BCAS3: variants seen among roughly 807,000 people sequenced by gnomAD.
The protein encoded by BCAS3 is BCAS4/BCAS3 fusion.
In BCAS3, 53 loss-of-function variants were observed where a neutral mutation model predicts 116.1. The ratio of observed to expected loss-of-function variants is 0.46; its 90% CI spans 0.37 to 0.57. The LOEUF (loss-of-function observed/expected upper bound fraction) is 0.57, where lower values mean the gene tolerates loss of function less well. Among genes scored for constraint, BCAS3 ranks in the 20% least tolerant of loss-of-function variants. The pLI, the probability that BCAS3 is intolerant of heterozygous loss-of-function variation, is 0.00. For missense variants in BCAS3, 917 were observed against 1,165.4 expected (o/e 0.79, Z 3.10); for synonymous variants, 391 against 408.2 (o/e 0.96, Z 0.51).
chr17:61,344,852 C>T lies in BCAS3; in HGVS notation c.2426-23475C>T, dbSNP rs1472168409. On this transcript the variant is annotated intron_variant, in intron 22 of 23. Coordinates refer to ENST00000407086, the MANE Select transcript of BCAS3 (RefSeq NM_017679.5). The surrounding 1 kb of genome is among the most constrained non-coding windows in gnomAD (Gnocchi z 4.1). ...AAGGGACAACCATGGCGAGGAGTTG[C>T]AATGTCACTCCAGCCCCTTGTTTGC... Among the ~76,000 whole-genome samples, 2 of 151,998 alleles carry T rather than the reference C, an allele frequency of 1.3e-5. No individual in the cohort carries two copies. The highest frequency in any genetic ancestry group is 4.8e-5 in the African/African-American group (2 of 41,370).
chr17:61,252,483 C>T (rs578133578), intron 22 of BCAS3, among the ~76,000 whole-genome samples: 11 of 151,884 alleles, frequency 7.2e-5, no homozygotes, highest in South Asian at 2.1e-4. Flanking sequence ...CAGCTTGGCA[C>T]GGCTGCTTTC....
At chr17:61,054,428 A>G (rs750821932) in intron 19 of BCAS3, among the ~76,000 whole-genome samples, 1 of 152,148 alleles carries the variant, frequency 6.6e-6, no homozygotes, top group Non-Finnish European at 1.5e-5. Context: ...GTGCCGTGGC[A>G]TGATCACAGA....
rs1049752693 is a variant in BCAS3 at position 61,083,727 on chromosome 17, CT to C, written c.2328-739del. On this transcript the variant is annotated intron_variant, in intron 21 of 23. Transcript: ENST00000407086. The surrounding 1 kb of genome is among the most constrained non-coding windows in gnomAD (Gnocchi z 4.9). ...TCTCCTGCCTCAGCCTCTTGAGTAG[CT>C]GGGACTATAGGTGCATGCCACCACA... Among the ~76,000 whole-genome samples, 36 of 151,694 alleles carry C rather than the reference CT, an allele frequency of 2.4e-4. No individual in the cohort carries two copies. Among genetic ancestry groups the C allele is most frequent in the African/African-American group, 8.7e-4 (36 of 41,250 alleles).
intron 22 of BCAS3, among the ~76,000 whole-genome samples, chr17:61,238,440 C>T (rs2083237097): frequency 6.6e-6 from 1 of 152,134 alleles, no homozygotes. Flanking sequence ...CCAGGCTGGT[C>T]TCGAACTCCT....
chr17:60,886,986 CCCG>C (rs2056712947), intron 9 of BCAS3: 1 of 156,290 alleles, frequency 6.4e-6, no homozygotes, highest in Admixed American at 6.5e-5. Context: ...GTTGGAGCTT[CCCG>C]GCTGCTTTGT....
chr17:61,160,138 A>G (rs2159373), intron 22 of BCAS3, among the ~76,000 whole-genome samples: 100,951 of 150,888 alleles, frequency 0.67, 37,358 homozygotes, highest in South Asian at 0.89. Context: ...CTACAAGGAA[A>G]TGCCATTCAC....
intron 22 of BCAS3, among the ~76,000 whole-genome samples, chr17:61,169,979 C>T (rs571490948): frequency 6.6e-6 from 1 of 151,866 alleles, no homozygotes; most frequent in East Asian, 2.0e-4. Context: ...CTCAGCCTCC[C>T]GAGTAGCTGG....
At position 61,067,571 on chromosome 17, in the gene BCAS3, G is replaced by T. The variant is rs192378564; in HGVS notation, c.2030-7349G>T. 2.0e-5 allele frequency among the ~76,000 whole-genome samples: 3 copies of T among 149,474 alleles called. No individual in the cohort carries two copies. In the East Asian group the frequency reaches 5.9e-4, roughly 29 times the overall value. The stretch of plus-strand genomic sequence containing the variant: ...ACCTCTACTAAAAATACAAAAATTA[G>T]CTGGGTGTGTGGTGCGCACCTGTAA... On this transcript the variant is annotated intron_variant, in intron 19 of 23. Coordinates refer to ENST00000407086, the MANE Select transcript of BCAS3 (RefSeq NM_017679.5).
chr17:60,695,994 G>C (rs556795502), intron 4 of BCAS3, among the ~76,000 whole-genome samples: 3 of 152,286 alleles, frequency 2.0e-5, no homozygotes, highest in Non-Finnish European at 4.4e-5. Flanking sequence ...ACTTCTTTCT[G>C]AATGTTTGCA....
intron 4 of BCAS3, among the ~76,000 whole-genome samples, chr17:60,690,005 T>C (rs914864395): frequency 6.6e-6 from 1 of 152,194 alleles, no homozygotes; most frequent in African/African-American, 2.4e-5. Flanking sequence ...TGAGTTAAAA[T>C]TTTCTTAGGC....
intron 22 of BCAS3, among the ~76,000 whole-genome samples, chr17:61,305,022 G>A (rs900346905): frequency 6.6e-6 from 1 of 152,172 alleles, no homozygotes; most frequent in African/African-American, 2.4e-5. Context: ...CTCCCAATGT[G>A]CTGGGATTAT....
At chr17:60,971,286 A>G (rs866047520) in intron 14 of BCAS3, among the ~76,000 whole-genome samples, 1 of 152,186 alleles carries the variant, frequency 6.6e-6, no homozygotes, top group Non-Finnish European at 1.5e-5. Flanking sequence ...TGAAACTTCT[A>G]GAGGGTTTTC....
intron 5 of BCAS3, among the ~76,000 whole-genome samples, chr17:60,733,468 C>T (rs1466839653): frequency 6.6e-6 from 1 of 152,172 alleles, no homozygotes; most frequent in Non-Finnish European, 1.5e-5. Flanking sequence ...ATATTTTTGA[C>T]AGAAAGGCAA....
intron 22 of BCAS3, among the ~76,000 whole-genome samples, chr17:61,178,625 T>G (rs2144157809): frequency 6.6e-6 from 1 of 152,318 alleles, no homozygotes; most frequent in Middle Eastern, 3.4e-3. Flanking sequence ...GTTATCTAAT[T>G]CATTTAACAA....
intron 13 of BCAS3, among the ~76,000 whole-genome samples, chr17:60,943,121 G>A (rs903077783): frequency 2.0e-5 from 3 of 152,060 alleles, no homozygotes; most frequent in Non-Finnish European, 4.4e-5. Context: ...GTTGAAATTA[G>A]CATTTCATAA....
At chr17:61,373,445 G>A (rs2059152600) in intron 23 of BCAS3, among the ~76,000 whole-genome samples, 1 of 148,834 alleles carries the variant, frequency 6.7e-6, no homozygotes, top group South Asian at 2.1e-4. Flanking sequence ...GTTTGCTACT[G>A]TTAACATTTT....
intron 22 of BCAS3, among the ~76,000 whole-genome samples, chr17:61,358,005 T>C (rs1002702317): frequency 2.0e-5 from 3 of 151,698 alleles, no homozygotes; most frequent in African/African-American, 4.8e-5. Context: ...CAAGAATCAC[T>C]TGAGCCCGGG....
intron 22 of BCAS3, among the ~76,000 whole-genome samples, chr17:61,133,050 T>TA (rs2076422338): frequency 6.6e-6 from 1 of 152,294 alleles, no homozygotes; most frequent in East Asian, 1.9e-4. Flanking sequence ...AAGAAGCTGA[T>TA]AAAAAAGGTA....
chr17:60,831,397 G>C (rs930685595), intron 7 of BCAS3, among the ~76,000 whole-genome samples: 1 of 151,546 alleles, frequency 6.6e-6, no homozygotes, highest in African/African-American at 2.4e-5. Context: ...GGCTGGTCTC[G>C]AACTCCTGAC....
Sources: gnomAD v4.1 joint callset for allele counts (sites outside exome capture counted in the v4.1 genomes callset) on GRCh38, gnomAD v4.1.1 for gene constraint, Gnocchi (gnomAD v3.1) non-coding constraint, MANE v1.5 for transcripts, NCBI Gene and HGNC (gene_info 2026-07-23, HGNC 2026-07-21) for gene names.